The following MNS1 variants were observed in gnomAD, a reference collection of about 807,000 sequenced individuals.
MNS1 encodes meiosis-specific nuclear structural protein 1.
A neutral mutation model predicts 72.0 loss-of-function variants in MNS1; 63 were observed. The observed-to-expected ratio is 0.87, with a 90% CI of 0.71 to 1.08. MNS1 has a LOEUF of 1.08. Ranked by LOEUF, MNS1 falls within the 50% of genes least tolerant of loss-of-function variation. The pLI is 0.00. For synonymous variants in MNS1, 188 were observed against 172.1 expected (o/e 1.09, Z -0.72); for missense variants, 604 against 562.4 (o/e 1.07, Z -0.75).
At chr15:56,446,733 A>C (rs548473594) in intron 4 of MNS1, 108 bp downstream of exon 4, 1 of 735,460 alleles carries the variant, frequency 1.4e-6, no homozygotes, top group East Asian at 2.8e-5. Flanking sequence ...ATATTTAAGA[A>C]ATCTAGCAGT....
intron 4 of MNS1, chr15:56,445,753 A>C (rs1394044678): frequency 6.6e-6 from 1 of 152,020 alleles, no homozygotes; most frequent in Non-Finnish European, 1.5e-5. Flanking sequence ...TTCGACTTTC[A>C]TTTTGTGGAT....
chr15:56,434,279 T>C lies in MNS1; in HGVS notation c.1128A>G (p.Arg376=). 1.9e-6 allele frequency: 3 copies of C among 1,614,000 alleles called. No homozygotes were observed. The South Asian group carries it at 3.3e-5, about 18-fold the overall frequency. ...CAGCAAATTTAGCTAGCATAGTTTT[T>C]CTAAAGTTCTCCTCTTCCTCTTTTG... ...QAAKEEEENF[R]KTMLAKFAED... The change falls in exon 8 of 10, where the codon AGA becomes AGG. Residue 376 remains arginine (R), a synonymous_variant. Transcript: ENST00000260453.
At chr15:56,445,648 A>T (rs1257081844) in intron 4 of MNS1, 1 of 151,682 alleles carries the variant, frequency 6.6e-6, no homozygotes, top group Non-Finnish European at 1.5e-5. Context: ...ACACTTACCG[A>T]AAACAATGTT....
Position 56,446,915 on chromosome 15 carries a change from A to T in MNS1, c.382T>A (p.Leu128Ile). The T allele has an allele frequency of 1.2e-6, 2 of 1,609,432 alleles. No individual in the cohort carries two copies. Among genetic ancestry groups the T allele is most frequent in the Non-Finnish European group, 1.7e-6 (2 of 1,179,034 alleles). Reference protein sequence around the residue: ...SIELRELEKKLKAAYMNKERA... With the variant: ...SIELRELEKKIKAAYMNKERA... ...TCTTTATTCATGTAAGCTGCTTTTA[A>T]TTTCTTCTCCAATTCTCTAAGCTCA... The change falls in exon 4 of 10, where the codon TTA becomes ATA. Residue 128 changes from leucine to isoleucine, a missense_variant. Physicochemically the swap from Leu to Ile is conservative, Grantham distance 5. Coordinates refer to ENST00000260453, the MANE Select transcript of MNS1 (RefSeq NM_018365.4).
chr15:56,452,962 CTA>C (rs1163657378), intron 3 of MNS1, among the ~76,000 whole-genome samples: 32 of 152,154 alleles, frequency 2.1e-4, no homozygotes. Flanking sequence ...CTCAAGCCTG[CTA>C]TGTTAACTCT....
rs200136549 is a variant in MNS1 at position 56,456,385 on chromosome 15, C to A, written c.353+9G>T. The A allele has an allele frequency of 3.9e-4, 618 of 1,596,282 alleles. No individual in the cohort carries two copies. The highest frequency in any genetic ancestry group is 5.1e-4 in the Non-Finnish European group (598 of 1,175,128). On this transcript the variant is annotated intron_variant, in intron 3 of 9. Coordinates refer to ENST00000260453, the MANE Select transcript of MNS1 (RefSeq NM_018365.4). ...ACTAAATAAATGAAATTTAGAGAAACCAAGATACCTGTTTTCTCTTACTTG... is the reference window on the plus strand; with the variant it reads ...ACTAAATAAATGAAATTTAGAGAAAACAAGATACCTGTTTTCTCTTACTTG...
intron 2 of MNS1, among the ~76,000 whole-genome samples, chr15:56,460,070 A>ACAGC (rs1211509192): frequency 7.3e-6 from 1 of 137,664 alleles, no homozygotes; most frequent in African/African-American, 2.7e-5. Context: ...AAGCTTGAGG[A>ACAGC]CAGCCACTCA....
At chr15:56,439,670 A>G (rs1596258723) in intron 7 of MNS1, among the ~76,000 whole-genome samples, 1 of 152,032 alleles carries the variant, frequency 6.6e-6, no homozygotes, top group Non-Finnish European at 1.5e-5. Flanking sequence ...TCCAATGGCA[A>G]AAACTGTATT....
In MNS1 at chr15:56,455,551, G is replaced by A. The variant is rs180782665; in HGVS notation, c.353+843C>T. 8.5e-3 allele frequency among the ~76,000 whole-genome samples: 1,292 copies of A among 152,086 alleles called. 12 individuals carry two copies. Among genetic ancestry groups the A allele is most frequent in the Middle Eastern group, 0.021 (6 of 292 alleles). On this transcript the variant is annotated intron_variant, in intron 3 of 9. Coordinates refer to ENST00000260453, the MANE Select transcript of MNS1 (RefSeq NM_018365.4). ...ATTAAGATAAAATGTAACAACTATC[G>A]AAGTAAATTTCCAATATATTCAATT...
rs795788 is a variant in MNS1, at chr15:56,429,143, C to T, written c.1446G>A (p.Arg482=). 3,018 of 1,602,922 alleles carry T rather than the reference C, an allele frequency of 1.9e-3. 48 individuals are homozygous for T. In the African/African-American group the frequency reaches 0.036, roughly 19 times the overall value. Residue 482 remains arginine, a synonymous_variant, in exon 10 of 10, where the codon AGG becomes AGA. Transcript: ENST00000260453. The part of the protein sequence containing the change: ...DDIDLLGEEF[R]KVYQQRSEIC... ...TTTCACTCCTTTGTTGATATACTTT[C>T]CTGAACTCTTCACCAAGCAGATCAA...
At chr15:56,463,996 A>G (rs1470725109) in intron 2 of MNS1, 30 bp downstream of exon 2, 1 of 1,564,062 alleles carries the variant, frequency 6.4e-7, no homozygotes, top group Non-Finnish European at 8.7e-7. Flanking sequence ...CAAAATGAAA[A>G]AAAAAGTAAC....
chr15:56,443,704 T>C lies in MNS1; in HGVS notation c.837A>G (p.Gln279=). The C allele has an allele frequency of 6.2e-7, 1 of 1,613,560 alleles. No homozygotes were observed. The highest frequency in any genetic ancestry group is 8.5e-7 in the Non-Finnish European group (1 of 1,179,780). ...CTTTTGCCATCCGATCTTCTTCTCT[T>C]TGCTGCTGCATGTTAGCAAACTCTA... is the stretch of plus-strand genomic sequence containing the variant. ...KIIEFANMQQ[Q]REEDRMAKVQ... The change falls in exon 6 of 10, where the codon CAA becomes CAG. Residue 279 remains glutamine, a synonymous_variant. Coordinates refer to ENST00000260453, the MANE Select transcript of MNS1 (RefSeq NM_018365.4).
chr15:56,463,933 G>T, intron 2 of MNS1, 93 bp downstream of exon 2: 1 of 1,014,152 alleles, frequency 9.9e-7, no homozygotes, highest in Non-Finnish European at 1.5e-6. Context: ...TGCTGCTGTT[G>T]TTTATCTACT....
At chr15:56,458,969 T>C (rs1254626161) in intron 2 of MNS1, among the ~76,000 whole-genome samples, 2 of 152,226 alleles carry the variant, frequency 1.3e-5, no homozygotes, top group South Asian at 2.1e-4. Flanking sequence ...ATAAATGCTA[T>C]AGATATATAT....
At chr15:56,463,270 T>C (rs568796472) in intron 2 of MNS1, among the ~76,000 whole-genome samples, 2 of 152,282 alleles carry the variant, frequency 1.3e-5, no homozygotes, top group East Asian at 3.9e-4. Context: ...AAGGCACCCC[T>C]AAATTTTTGT....
intron 8 of MNS1, 45 bp from the exon 9 acceptor site, chr15:56,431,543 T>A (rs2050596309): frequency 1.2e-6 from 2 of 1,600,178 alleles, no homozygotes; most frequent in South Asian, 1.1e-5. Flanking sequence ...TACATTAATC[T>A]TATACGAAGT....
intron 8 of MNS1, 94 bp from the exon 9 acceptor site, chr15:56,431,592 T>C (rs1374134270): frequency 1.6e-6 from 2 of 1,247,122 alleles, no homozygotes; most frequent in East Asian, 2.5e-5. Flanking sequence ...TTAGATAAAA[T>C]TGATGAACTA....
At chr15:56,434,991 T>C (rs1337578542) in intron 7 of MNS1, among the ~76,000 whole-genome samples, 3 of 152,110 alleles carry the variant, frequency 2.0e-5, no homozygotes, top group African/African-American at 7.2e-5. Flanking sequence ...GAACATTTTA[T>C]TATGAAAAAT....
chr15:56,431,338 C>T, intron 9 of MNS1, 35 bp downstream of exon 9: 1 of 1,603,714 alleles, frequency 6.2e-7, no homozygotes. Context: ...TATTACAGGT[C>T]ATGAAGATTA....
Sources: gnomAD v4.1 joint callset for allele counts (sites outside exome capture counted in the v4.1 genomes callset) on GRCh38, gnomAD v4.1.1 for gene constraint, MANE v1.5 for transcripts, NCBI Gene and HGNC (gene_info 2026-07-23, HGNC 2026-07-21) for gene names.